Variants in AGTRAP observed in about 807,000 individuals in gnomAD.
The protein encoded by AGTRAP is angiotensin II receptor associated protein.
In AGTRAP, 7 loss-of-function variants were observed where a neutral mutation model predicts 15.2. The ratio of observed to expected loss-of-function variants is 0.46; its 90% CI spans 0.26 to 0.87. AGTRAP has a LOEUF of 0.87. Among genes scored for constraint, AGTRAP ranks in the 40% least tolerant of loss-of-function variants. AGTRAP has a pLI of 0.15. For missense variants in AGTRAP, 187 were observed against 213.4 expected, an observed-to-expected ratio of 0.88 and a Z score of 0.77; for synonymous variants, 74 against 89.6, an observed-to-expected ratio of 0.83 and a Z score of 0.98.
At chr1:11,746,249 A>G (rs770171043) in intron 2 of AGTRAP, 13 of 1,565,392 alleles carry the variant, frequency 8.3e-6, no homozygotes, top group Non-Finnish European at 1.0e-5. Flanking sequence ...TGTAACCATC[A>G]TGATTCACGA....
rs1642297396 is a variant in AGTRAP at position 11,750,641 on chromosome 1, C to T, written c.*449C>T. On this transcript the variant is annotated 3_prime_UTR_variant, in exon 5 of 5. Transcript: ENST00000314340. ...GGCATGGGAGTGAGGCCCCGTCCTT[C>T]TCACTGCCTGGTCACATGGTGCCTA... 1 of 324,260 alleles carries T rather than the reference C, an allele frequency of 3.1e-6. No individual in the cohort carries two copies. Among genetic ancestry groups the T allele is most frequent in the African/African-American group, 2.1e-5 (1 of 47,906 alleles). 20.1% of individuals were successfully genotyped at this position (324,260 alleles called of 1,614,324 possible). A position where few individuals can be genotyped will look rare whatever the true frequency, so the allele number is the denominator to read the frequency against.
In AGTRAP at chr1:11,745,979, G is replaced by A. The variant is rs768926749; in HGVS notation, c.62+142G>A. On this transcript the variant is annotated intron_variant, in intron 2 of 4. Coordinates refer to ENST00000314340, the MANE Select transcript of AGTRAP (RefSeq NM_020350.5). This position sits in a 1 kb window ranked among gnomAD's most constrained non-coding sequence, Gnocchi z 4.2. ...CCTCTCCGGGTCTTGATTTCCGTCT[G>A]TACAATAGGCATAAGGATTGCACAC... is the stretch of plus-strand genomic sequence containing the variant. The A allele has an allele frequency of 1.5e-5, 21 of 1,359,002 alleles. No homozygotes were observed. The highest frequency in any genetic ancestry group is 1.4e-4 in the East Asian group (6 of 43,544). The allele number at this position is 1,359,002 out of a possible 1,614,324, so 84.2% of individuals were successfully genotyped here.
At chr1:11,747,128 T>C (rs1274731393) in intron 2 of AGTRAP, among the ~76,000 whole-genome samples, 2 of 152,208 alleles carry the variant, frequency 1.3e-5, no homozygotes, top group Non-Finnish European at 2.9e-5. Flanking sequence ...TGGAGGATTT[T>C]TAGCAGAGGA....
rs186158306 is a variant in AGTRAP, at chr1:11,749,066, G to A, written c.364+456G>A. Reference sequence around the variant, plus strand: ...CTGCTAGGTGGCCAGGGCAGAGCCCGTGCCAGTGTAGGCTGTGGGAGCCTC... The same window carrying A: ...CTGCTAGGTGGCCAGGGCAGAGCCCATGCCAGTGTAGGCTGTGGGAGCCTC... On this transcript the variant is annotated intron_variant, in intron 4 of 4. Transcript: ENST00000314340. Among the ~76,000 whole-genome samples the A allele has an allele frequency of 1.6e-3, 248 of 152,326 alleles. 1 individual carries two copies. Among genetic ancestry groups the A allele is most frequent in the African/African-American group, 4.9e-3 (204 of 41,574 alleles).
Position 11,747,362 on chromosome 1 carries a change from C to T in AGTRAP, c.63-78C>T, listed in dbSNP as rs935560179. The stretch of plus-strand genomic sequence containing the variant: ...ACTATGGCATGTTCTGGGAGGAGGC[C>T]CTGAGACGCCGGAGCAGGAGGGAGG... On this transcript the variant is annotated intron_variant, in intron 2 of 4. Transcript: ENST00000314340. 6.8e-6 allele frequency: 9 copies of T among 1,331,598 alleles called. 1 individual carries two copies. In the African/African-American group the frequency reaches 1.3e-4, roughly 19 times the overall value. The allele number at this position is 1,331,598 out of a possible 1,614,324, so 82.5% of individuals were successfully genotyped here.
chr1:11,750,619 A>C lies in AGTRAP; in HGVS notation c.*427A>C, dbSNP rs183691853. 32 of 392,252 alleles carry C rather than the reference A, an allele frequency of 8.2e-5. No homozygotes were observed. The highest frequency in any genetic ancestry group is 1.4e-3 in the Middle Eastern group (2 of 1,444). 24.3% of individuals were successfully genotyped at this position (392,252 alleles called of 1,614,324 possible). On this transcript the variant is annotated 3_prime_UTR_variant, in exon 5 of 5. Transcript: ENST00000314340. ...TGCTCAGCCCGAGGAGCAGTCTGGC[A>C]TGGGAGTGAGGCCCCGTCCTTCTCA...
At position 11,745,197 on chromosome 1, in the gene AGTRAP, C is replaced by T. The variant is rs1346234888; in HGVS notation, c.28-606C>T. Among the ~76,000 whole-genome samples, 4 of 152,168 alleles carry T rather than the reference C, an allele frequency of 2.6e-5. No individual in the cohort carries two copies. Among genetic ancestry groups the T allele is most frequent in the Non-Finnish European group, 5.9e-5 (4 of 68,032 alleles). ...AGTTATTTCTTGATAGTATGCTAAC[C>T]AAGGGGTGGATTATTCATGCCTCCC... On this transcript the variant is annotated intron_variant, in intron 1 of 4. Transcript: ENST00000314340. The surrounding 1 kb of genome is among the most constrained non-coding windows in gnomAD (Gnocchi z 4.2).
rs1642234406 is a variant in AGTRAP at position 11,748,629 on chromosome 1, G to A, written c.364+19G>A. 1.9e-6 allele frequency: 3 copies of A among 1,598,628 alleles called. No homozygotes were observed. Among genetic ancestry groups the A allele is most frequent in the Non-Finnish European group, 2.6e-6 (3 of 1,176,430 alleles). ...CACACTGGTGAGGCCACCACCTCCA[G>A]CCAGCTCCTCACCGCTCCCTTCTCT... On this transcript the variant is annotated intron_variant, in intron 4 of 4. Coordinates refer to ENST00000314340, the MANE Select transcript of AGTRAP (RefSeq NM_020350.5).
intron 1 of AGTRAP, among the ~76,000 whole-genome samples, chr1:11,742,358 T>C (rs1264615994): frequency 2.0e-5 from 3 of 152,186 alleles, no homozygotes; most frequent in Non-Finnish European, 4.4e-5. Flanking sequence ...GTAACTCTTC[T>C]AGAAATGCTT....
chr1:11,746,405 G>T, intron 2 of AGTRAP: 3 of 581,614 alleles, frequency 5.2e-6, no homozygotes, highest in Non-Finnish European at 9.2e-6. Context: ...GAACCGAATG[G>T]CACTCCACAC....
At chr1:11,749,483 A>G (rs1178098542) in intron 4 of AGTRAP, among the ~76,000 whole-genome samples, 1 of 152,214 alleles carries the variant, frequency 6.6e-6, no homozygotes, top group Non-Finnish European at 1.5e-5. Flanking sequence ...ACTGAGGCCC[A>G]CATCCTTTGG....
intron 3 of AGTRAP, 22 bp downstream of exon 3, chr1:11,747,567 G>A: frequency 6.2e-7 from 1 of 1,610,838 alleles, no homozygotes; most frequent in Non-Finnish European, 8.5e-7. Flanking sequence ...TGGGGGAGAG[G>A]CGGCAAGGCG....
rs1232175288 is a variant in AGTRAP, at chr1:11,745,591, T to G, written c.28-212T>G. On this transcript the variant is annotated intron_variant, in intron 1 of 4. Coordinates refer to ENST00000314340, the MANE Select transcript of AGTRAP (RefSeq NM_020350.5). This position sits in a 1 kb window ranked among gnomAD's most constrained non-coding sequence, Gnocchi z 4.2. ...CTGCCCCATGGGAGGGGTGAAGGCA[T>G]GAAGCGGCCCCTCCCTGGCCTGGCC... is the stretch of plus-strand genomic sequence containing the variant. 6.6e-6 allele frequency among the ~76,000 whole-genome samples: 1 copy of G among 152,156 alleles called. No homozygotes were observed. Among genetic ancestry groups the G allele is most frequent in the African/African-American group, 2.4e-5 (1 of 41,442 alleles).
chr1:11,750,427 G>A lies in AGTRAP; in HGVS notation c.*235G>A, dbSNP rs1642291791. The A allele has an allele frequency of 4.9e-6, 3 of 608,264 alleles. 1 individual carries two copies. The highest frequency in any genetic ancestry group is 1.8e-5 in the African/African-American group (1 of 54,194). 37.7% of individuals were successfully genotyped at this position (608,264 alleles called of 1,614,324 possible). A position where few individuals can be genotyped will look rare whatever the true frequency, so the allele number is the denominator to read the frequency against. On this transcript the variant is annotated 3_prime_UTR_variant, in exon 5 of 5. Transcript: ENST00000314340. ...CAGGGCACCCACTGGTTCCCAGGCTGGAACCAGGGTCTCTCTTTACCTCCT... is the reference window on the plus strand; with the variant it reads ...CAGGGCACCCACTGGTTCCCAGGCTAGAACCAGGGTCTCTCTTTACCTCCT...
rs537059896 is a variant in AGTRAP, at chr1:11,750,352, C to G, written c.*160C>G. On this transcript the variant is annotated 3_prime_UTR_variant, in exon 5 of 5. Transcript: ENST00000314340. ...AGGCCAGGAGCCCCCATGGGCCGCC[C>G]AGTACCATGCACACTCCTGTCCCGA... 1.3e-5 allele frequency: 9 copies of G among 711,510 alleles called. No individual in the cohort carries two copies. Among genetic ancestry groups the G allele is most frequent in the Admixed American group, 8.2e-5 (4 of 49,064 alleles). The allele number at this position is 711,510 out of a possible 1,614,324, so 44.1% of individuals were successfully genotyped here. A position where few individuals can be genotyped will look rare whatever the true frequency, so the allele number is the denominator to read the frequency against.
intron 4 of AGTRAP, among the ~76,000 whole-genome samples, chr1:11,749,254 C>T (rs1424203897): frequency 6.6e-6 from 1 of 152,254 alleles, no homozygotes; most frequent in East Asian, 1.9e-4. Context: ...CTCTCTCTTC[C>T]TTTCTCTCTC....
chr1:11,747,789 A>G (rs1642202801), intron 3 of AGTRAP, among the ~76,000 whole-genome samples: 1 of 152,202 alleles, frequency 6.6e-6, no homozygotes, highest in African/African-American at 2.4e-5. Context: ...TCCCTGAGGA[A>G]AGCCATGGGG....
In AGTRAP at chr1:11,736,139, T is replaced by A; in HGVS notation, c.-70T>A. ...GCGGGGCGGGGCGGGGCCGGGCAAGTTTGTTCCCCGAGTTCGGAGCCTAGG... is the reference window on the plus strand; with the variant it reads ...GCGGGGCGGGGCGGGGCCGGGCAAGATTGTTCCCCGAGTTCGGAGCCTAGG... On this transcript the variant is annotated 5_prime_UTR_variant, in exon 1 of 5. Transcript: ENST00000314340. 1.3e-6 allele frequency: 2 copies of A among 1,557,958 alleles called. No individual in the cohort carries two copies. Among genetic ancestry groups the A allele is most frequent in the Admixed American group, 1.9e-5 (1 of 51,634 alleles).
chr1:11,742,445 C>G (rs1243679369), intron 1 of AGTRAP, among the ~76,000 whole-genome samples: 1 of 86,836 alleles, frequency 1.2e-5, no homozygotes, highest in Non-Finnish European at 3.1e-5. Context: ...TCCTTCGTTC[C>G]TTCCTTCCTT....
Sources: gnomAD v4.1 joint callset for allele counts (sites outside exome capture counted in the v4.1 genomes callset) on GRCh38, gnomAD v4.1.1 for gene constraint, Gnocchi (gnomAD v3.1) non-coding constraint, MANE v1.5 for transcripts, NCBI Gene and HGNC (gene_info 2026-07-23, HGNC 2026-07-21) for gene names.